Variants in WARS2 observed in about 807,000 individuals in gnomAD.
WARS2 encodes tryptophanyl tRNA synthetase 2, mitochondrial.
In WARS2, 28 loss-of-function variants were observed where a neutral mutation model predicts 36.5. The observed-to-expected ratio is 0.77, with a 90% CI of 0.57 to 1.05. The LOEUF (loss-of-function observed/expected upper bound fraction) is 1.05, where lower values mean the gene tolerates loss of function less well. Ranked by LOEUF, WARS2 falls within the 50% of genes least tolerant of loss-of-function variation. WARS2 has a pLI of 0.00. For missense variants in WARS2, 435 were observed against 456.8 expected, an observed-to-expected ratio of 0.95 and a Z score of 0.44; for synonymous variants, 174 against 178.4, an observed-to-expected ratio of 0.98 and a Z score of 0.20.
At chr1:119,130,149 A>C (rs1161555436) in intron 1 of WARS2, among the ~76,000 whole-genome samples, 4 of 152,194 alleles carry the variant, frequency 2.6e-5, no homozygotes, top group Non-Finnish European at 5.9e-5. Flanking sequence ...ATGAGAAAAA[A>C]AAAAAGGCAA....
intron 2 of WARS2, among the ~76,000 whole-genome samples, chr1:119,066,801 A>G (rs1049269406): frequency 2.0e-5 from 3 of 152,190 alleles, no homozygotes; most frequent in Admixed American, 6.5e-5. Flanking sequence ...TGTAAGTTAG[A>G]ATACCATTTT....
chr1:119,067,321 C>T (rs562142628), intron 2 of WARS2, among the ~76,000 whole-genome samples: 1 of 152,232 alleles, frequency 6.6e-6, no homozygotes, highest in African/African-American at 2.4e-5. Flanking sequence ...AATGGCGTTA[C>T]AACTAAGCAG....
At position 119,054,802 on chromosome 1, in the gene WARS2, A is replaced by C. The variant is rs553640270; in HGVS notation, c.349-9140T>G. On this transcript the variant is annotated intron_variant, in intron 2 of 5. Coordinates refer to ENST00000235521, the MANE Select transcript of WARS2 (RefSeq NM_015836.4). ...CTAAATGAAATAAACCAGCCACAAA[A>C]AGACCAATATTGTATGATTTATCTG... Among the ~76,000 whole-genome samples the C allele has an allele frequency of 3.9e-5, 6 of 152,326 alleles. No homozygotes were observed. The East Asian group carries it at 1.2e-3, about 29-fold the overall frequency.
intron 2 of WARS2, among the ~76,000 whole-genome samples, chr1:119,060,780 A>C (rs569439067): frequency 6.6e-6 from 1 of 152,346 alleles, no homozygotes; most frequent in African/African-American, 2.4e-5. Flanking sequence ...AAGCATCTAA[A>C]TATGATAGAA....
intron 4 of WARS2, among the ~76,000 whole-genome samples, chr1:119,037,547 A>G (rs1009350453): frequency 2.6e-5 from 4 of 152,246 alleles, no homozygotes; most frequent in South Asian, 2.1e-4. Context: ...AGGATATGCA[A>G]TAATGACTCT....
rs760329770 is a variant in WARS2, at chr1:119,033,223, G to A, written c.771C>T (p.Asp257=). The part of the protein sequence containing the change: ...IVQKFRKAVT[D]FTSEVTYDPA... ...GGTCATAGGTGACCTCCGAGGTGAAGTCTGTCACAGCCTTGCGGAATTTCT... is the reference window on the plus strand; with the variant it reads ...GGTCATAGGTGACCTCCGAGGTGAAATCTGTCACAGCCTTGCGGAATTTCT... Residue 257 remains aspartate (D), a synonymous_variant, in exon 6 of 6, where the codon GAC becomes GAT. Coordinates refer to ENST00000235521, the MANE Select transcript of WARS2 (RefSeq NM_015836.4). The A allele has an allele frequency of 6.2e-7, 1 of 1,614,276 alleles. No individual in the cohort carries two copies. Among genetic ancestry groups the A allele is most frequent in the South Asian group, 1.1e-5 (1 of 91,090 alleles).
At chr1:119,119,870 A>G (rs966942843) in intron 1 of WARS2, among the ~76,000 whole-genome samples, 3 of 152,154 alleles carry the variant, frequency 2.0e-5, no homozygotes, top group African/African-American at 7.2e-5. Flanking sequence ...GTGAATGATA[A>G]TAGCAGCACA....
chr1:119,132,546 G>T (rs1656192079), intron 1 of WARS2, among the ~76,000 whole-genome samples: 1 of 152,142 alleles, frequency 6.6e-6, no homozygotes, highest in Non-Finnish European at 1.5e-5. Flanking sequence ...CCCATGGGAG[G>T]ACAGGAATCC....
chr1:119,070,869 T>C (rs1327309742), intron 2 of WARS2, among the ~76,000 whole-genome samples: 1 of 152,092 alleles, frequency 6.6e-6, no homozygotes, highest in Non-Finnish European at 1.5e-5. Context: ...CACCTCACAC[T>C]TGTTAAAATG....
chr1:119,045,108 A>C, intron 3 of WARS2, among the ~76,000 whole-genome samples: 1 of 152,222 alleles, frequency 6.6e-6, no homozygotes, highest in East Asian at 1.9e-4. Flanking sequence ...TGAACTTCTT[A>C]CAAAAAGTAT....
chr1:119,058,272 A>G (rs928158175), intron 2 of WARS2, among the ~76,000 whole-genome samples: 1 of 147,826 alleles, frequency 6.8e-6, no homozygotes, highest in African/African-American at 2.5e-5. Flanking sequence ...ATATTTGACC[A>G]TATATATGTG....
chr1:119,033,304 T>C lies in WARS2; in HGVS notation c.690A>G (p.Ser230=), dbSNP rs756268475. The change falls in exon 6 of 6, where the codon TCA becomes TCG. Residue 230 remains serine (S), a synonymous_variant. Coordinates refer to ENST00000235521, the MANE Select transcript of WARS2 (RefSeq NM_015836.4). ...GGACGGTGGCCAGTTTGTCAGGGTC[T>C]GATTTCGACATTTTGGCAGAAGGAT... is the stretch of plus-strand genomic sequence containing the variant. ...LRDPSAKMSK[S]DPDKLATVRI... is the part of the protein sequence containing the mutation. 1 of 1,614,234 alleles carries C rather than the reference T, an allele frequency of 6.2e-7. No homozygotes were observed. Among genetic ancestry groups the C allele is most frequent in the Non-Finnish European group, 8.5e-7 (1 of 1,180,032 alleles).
rs144434031 is a variant in WARS2 at position 119,134,570 on chromosome 1, G to A, written c.90+5985C>T. 1.1e-4 allele frequency among the ~76,000 whole-genome samples: 17 copies of A among 152,248 alleles called. No homozygotes were observed. The East Asian group carries it at 2.7e-3, about 24-fold the overall frequency. On this transcript the variant is annotated intron_variant, in intron 1 of 5. Transcript: ENST00000235521. ...GACCTTGCTATGCTCAGTAAGCAGA[G>A]AAGTTCAGGAAATCTGTGAAGCCTC...
At chr1:119,041,121 G>A (rs1030248131) in intron 4 of WARS2, among the ~76,000 whole-genome samples, 2 of 152,170 alleles carry the variant, frequency 1.3e-5, no homozygotes, top group East Asian at 1.9e-4. Context: ...CAAGGGCTCT[G>A]GAGTCATGCC....
chr1:119,063,486 G>A (rs1294263785), intron 2 of WARS2: 2 of 152,142 alleles, frequency 1.3e-5, no homozygotes. Context: ...TCAAGACCAT[G>A]GGGAAAATGT....
At chr1:119,036,033 G>A (rs1488212619) in intron 4 of WARS2, among the ~76,000 whole-genome samples, 3 of 152,088 alleles carry the variant, frequency 2.0e-5, no homozygotes, top group East Asian at 1.9e-4. Context: ...GGCGAAACCC[G>A]GTCCCTGTTA....
rs767147648 is a variant in WARS2, at chr1:119,033,099, T to A, written c.895A>T (p.Thr299Ser). The change falls in exon 6 of 6, where the codon ACT (threonine) becomes TCT (serine). Residue 299 changes from threonine to serine, a missense_variant. Physicochemically the swap from Thr to Ser is moderately conservative, Grantham distance 58 (BLOSUM62 1). Coordinates refer to ENST00000235521, the MANE Select transcript of WARS2 (RefSeq NM_015836.4). ...GCCACGGCCAGCTTGTAGCGAGCAG[T>A]GTTCATGCCCGCGCTGCGGCGCACC... ...EVVRRSAGMNTARYKLAVADA... is the reference protein window; with the variant it reads ...EVVRRSAGMNSARYKLAVADA... The A allele has an allele frequency of 1.2e-6, 2 of 1,614,248 alleles. No individual in the cohort carries two copies. Among genetic ancestry groups the A allele is most frequent in the Non-Finnish European group, 1.7e-6 (2 of 1,180,052 alleles).
At position 119,058,771 on chromosome 1, in the gene WARS2, G is replaced by A. The variant is rs1222223538; in HGVS notation, c.349-13109C>T. 1.5e-5 allele frequency among the ~76,000 whole-genome samples: 2 copies of A among 129,196 alleles called. 1 individual carries two copies. The highest frequency in any genetic ancestry group is 7.2e-5 in the African/African-American group (2 of 27,688). The allele number at this position is 129,196 out of a possible 152,430, so 84.8% of individuals were successfully genotyped here. A position where few individuals can be genotyped will look rare whatever the true frequency, so the allele number is the denominator to read the frequency against. ...GTGAATAGTGCCGCAATAAACATAC[G>A]TGTACATGTGTCTTTATAGCAGCAT... On this transcript the variant is annotated intron_variant, in intron 2 of 5. Coordinates refer to ENST00000235521, the MANE Select transcript of WARS2 (RefSeq NM_015836.4).
chr1:119,039,714 T>G (rs17023143), intron 4 of WARS2, among the ~76,000 whole-genome samples: 3,019 of 152,306 alleles, frequency 0.02, 87 homozygotes, highest in African/African-American at 0.069. Flanking sequence ...TTTATAAACT[T>G]ATCTGAAAGG....
Sources: gnomAD v4.1 joint callset for allele counts (sites outside exome capture counted in the v4.1 genomes callset) on GRCh38, gnomAD v4.1.1 for gene constraint, MANE v1.5 for transcripts, NCBI Gene and HGNC (gene_info 2026-07-23, HGNC 2026-07-21) for gene names.